Variants in EPB41L3 observed in about 807,000 individuals in gnomAD.
EPB41L3 encodes the protein band 4.1-like protein 3.
A neutral mutation model predicts 127.1 loss-of-function variants in EPB41L3; 57 were observed. The observed-to-expected ratio is 0.45, with a 90% CI of 0.36 to 0.56. EPB41L3 has a LOEUF of 0.56. EPB41L3 is among the 20% of genes least tolerant of loss of function. EPB41L3 has a pLI of 0.00. For synonymous variants in EPB41L3, 572 were observed against 549.5 expected, an observed-to-expected ratio of 1.04 and a Z score of -0.57; for missense variants, 1,273 against 1,372.2, an observed-to-expected ratio of 0.93 and a Z score of 1.14.
At chr18:5,582,308 A>G (rs1599105017) in intron 3 of EPB41L3, among the ~76,000 whole-genome samples, 1 of 152,240 alleles carries the variant, frequency 6.6e-6, no homozygotes, top group East Asian at 1.9e-4. Flanking sequence ...AAGACAACGG[A>G]GCAGCTGGGC....
chr18:5,485,768 A>G (rs1055608422), intron 2 of EPB41L3, among the ~76,000 whole-genome samples: 2 of 152,104 alleles, frequency 1.3e-5, no homozygotes, highest in African/African-American at 4.8e-5. Flanking sequence ...ATACCTAGGA[A>G]GCAATCTAAC....
chr18:5,395,176 A>G, intron 20 of EPB41L3, 29 bp from the exon 21 acceptor site: 2 of 1,591,988 alleles, frequency 1.3e-6, no homozygotes, highest in Non-Finnish European at 8.6e-7. Context: ...AGCTTTATGA[A>G]TTTACTCACT....
chr18:5,494,581 G>A (rs113748610), intron 1 of EPB41L3, among the ~76,000 whole-genome samples: 22,756 of 151,774 alleles, frequency 0.15, 1,821 homozygotes, highest in Non-Finnish European at 0.17. Context: ...CGCTTGAACC[G>A]GGGAGGCAGA....
chr18:5,415,733 C>T, intron 13 of EPB41L3, 85 bp downstream of exon 13: 3 of 1,362,782 alleles, frequency 2.2e-6, no homozygotes, highest in Non-Finnish European at 2.0e-6. Context: ...GAAAGTAGGA[C>T]CACTATGGCA....
At chr18:5,567,403 A>G (rs2094221080) in intron 3 of EPB41L3, 1 of 152,190 alleles carries the variant, frequency 6.6e-6, no homozygotes, top group Non-Finnish European at 1.5e-5. Context: ...AGGTAGATAC[A>G]TTTTAAGTTT....
At chr18:5,623,298 A>G (rs1284335459) in intron 1 of EPB41L3, among the ~76,000 whole-genome samples, 1 of 152,254 alleles carries the variant, frequency 6.6e-6, no homozygotes, top group Non-Finnish European at 1.5e-5. Flanking sequence ...CAACATAGAT[A>G]CAGCAGCTCT....
chr18:5,628,471 C>T, intron 1 of EPB41L3, among the ~76,000 whole-genome samples: 1 of 152,200 alleles, frequency 6.6e-6, no homozygotes, highest in East Asian at 1.9e-4. Flanking sequence ...GTTGGGTCCG[C>T]CTGGCCTCGC....
intron 3 of EPB41L3, among the ~76,000 whole-genome samples, chr18:5,589,113 A>G (rs1617563): frequency 0.41 from 62,467 of 151,966 alleles, 13,287 homozygotes; most frequent in Non-Finnish European, 0.47. Context: ...TTACAACTAA[A>G]GACATAAAAA....
At chr18:5,419,315 A>C (rs979925325) in intron 12 of EPB41L3, among the ~76,000 whole-genome samples, 2 of 152,348 alleles carry the variant, frequency 1.3e-5, no homozygotes, top group African/African-American at 4.8e-5. Flanking sequence ...GCAATATGAT[A>C]ATTGTATATC....
intron 9 of EPB41L3, among the ~76,000 whole-genome samples, chr18:5,425,667 G>A (rs1026520007): frequency 2.6e-5 from 4 of 152,058 alleles, no homozygotes; most frequent in Non-Finnish European, 5.9e-5. Context: ...CTTCTTCAGA[G>A]TCTGTGTGTC....
chr18:5,448,243 G>A (rs1029448023), intron 3 of EPB41L3, among the ~76,000 whole-genome samples: 3 of 152,130 alleles, frequency 2.0e-5, no homozygotes, highest in Non-Finnish European at 4.4e-5. Context: ...CCTTCTACAC[G>A]TCATGATGAG....
Position 5,618,088 on chromosome 18 carries a change from C to T in EPB41L3, c.-467-3665G>A, listed in dbSNP as rs1260438519. Among the ~76,000 whole-genome samples, 4 of 152,290 alleles carry T rather than the reference C, an allele frequency of 2.6e-5. No individual in the cohort carries two copies. The East Asian group carries it at 7.7e-4, about 29-fold the overall frequency. ...GAAACCTAAACACAATTTTTAATCT[C>T]TTCTCTCCGGGCAAATAATTCAAAA... On this transcript the variant is annotated intron_variant, in intron 1 of 21. Coordinates refer to the EPB41L3 transcript ENST00000545076.
chr18:5,553,727 A>G (rs1045916679), intron 3 of EPB41L3, among the ~76,000 whole-genome samples: 4 of 152,054 alleles, frequency 2.6e-5, no homozygotes, highest in Admixed American at 2.6e-4. Context: ...GCAAACCATC[A>G]CCATCTCCTG....
chr18:5,421,512 G>A (rs887122380), intron 11 of EPB41L3, among the ~76,000 whole-genome samples: 9 of 152,064 alleles, frequency 5.9e-5, no homozygotes, highest in Admixed American at 3.3e-4. Context: ...CTCTAAGTTC[G>A]GTATTCTGGA....
At chr18:5,426,358 T>C (rs750917564) in intron 9 of EPB41L3, among the ~76,000 whole-genome samples, 6 of 152,130 alleles carry the variant, frequency 3.9e-5, no homozygotes, top group African/African-American at 1.4e-4. Context: ...CTGAAAACCT[T>C]TGATTATCCT....
chr18:5,597,988 A>G (rs754332557), intron 3 of EPB41L3, among the ~76,000 whole-genome samples: 1 of 152,166 alleles, frequency 6.6e-6, no homozygotes, highest in Non-Finnish European at 1.5e-5. Flanking sequence ...AATGTTTCTA[A>G]TTCCTGTAGC....
Position 5,416,008 on chromosome 18 carries a change from G to A in EPB41L3, c.1877C>T (p.Pro626Leu), listed in dbSNP as rs141321874. The change falls in exon 13 of 23, where the codon CCG becomes CTG. Residue 626 changes from proline to leucine, a missense_variant. Physicochemically the swap from Pro to Leu is moderately conservative, Grantham distance 98. This residue lies in a region of EPB41L3 where 765 missense variants were observed against 782.9 expected (regional missense o/e 0.98). Coordinates refer to ENST00000341928, the MANE Select transcript of EPB41L3 (RefSeq NM_012307.5). The stretch of plus-strand genomic sequence containing the variant: ...GGGCACAAGGGACGGTGAGCGGATC[G>A]GGAGGTAATGCTGCAAGCTCTGGGG... ...LLPQSLQHYL[P>L]IRSPSLVPCF... 186 of 1,614,094 alleles carry A rather than the reference G, an allele frequency of 1.2e-4. No individual in the cohort carries two copies. Among genetic ancestry groups the A allele is most frequent in the Non-Finnish European group, 9.6e-5 (113 of 1,179,992 alleles).
intron 3 of EPB41L3, among the ~76,000 whole-genome samples, chr18:5,456,575 T>C (rs2083107545): frequency 1.3e-5 from 2 of 152,242 alleles, no homozygotes; most frequent in Non-Finnish European, 2.9e-5. Flanking sequence ...TAAAGTCCAG[T>C]AGATAGGGGA....
At chr18:5,412,022 G>A (rs1397586302) in intron 13 of EPB41L3, among the ~76,000 whole-genome samples, 1 of 152,198 alleles carries the variant, frequency 6.6e-6, no homozygotes, top group Non-Finnish European at 1.5e-5. Context: ...GGGGGCAGGA[G>A]GTGGCTGTTA....
Sources: allele counts gnomAD v4.1 joint callset (sites outside exome capture counted in the v4.1 genomes callset), GRCh38; gene constraint gnomAD v4.1.1; regional missense constraint gnomAD v4.1.1; transcripts MANE v1.5; gene names NCBI Gene and HGNC (gene_info 2026-07-23, HGNC 2026-07-21).